Variants in RAPH1 observed in about 807,000 individuals in gnomAD.
RAPH1 encodes the protein Ras association (RalGDS/AF-6) and pleckstrin homology domains 1.
A neutral mutation model predicts 88.1 loss-of-function variants in RAPH1; 18 were observed. The observed-to-expected ratio is 0.20, with a 90% CI of 0.14 to 0.30. RAPH1 has a LOEUF of 0.30. RAPH1 is among the 10% of genes least tolerant of loss of function. The probability of loss-of-function intolerance (pLI) is 1.00; values close to 1 mark genes in which losing one functional copy is unlikely to be tolerated. For missense variants in RAPH1, 1,448 were observed against 1,543.2 expected, an observed-to-expected ratio of 0.94 and a Z score of 1.03; for synonymous variants, 587 against 559.0, an observed-to-expected ratio of 1.05 and a Z score of -0.71.
intron 4 of RAPH1, among the ~76,000 whole-genome samples, chr2:203,478,467 A>T (rs529231016): frequency 5.9e-5 from 9 of 151,996 alleles, no homozygotes; most frequent in African/African-American, 2.2e-4. Context: ...TTATCACTTC[A>T]TAAGGACATC....
chr2:203,529,591 C>CA (rs1477966030), intron 1 of RAPH1, among the ~76,000 whole-genome samples: 1 of 151,988 alleles, frequency 6.6e-6, no homozygotes, highest in African/African-American at 2.4e-5. Context: ...TCAAACTCCC[C>CA]ACCTCAGGCA....
At chr2:203,464,231 T>A (rs574003703) in intron 4 of RAPH1, among the ~76,000 whole-genome samples, 5 of 152,322 alleles carry the variant, frequency 3.3e-5, no homozygotes, top group South Asian at 2.1e-4. Flanking sequence ...GAAAAACTGA[T>A]ATGTGGAATC....
intron 4 of RAPH1, among the ~76,000 whole-genome samples, chr2:203,467,440 A>G (rs1015701499): frequency 2.0e-5 from 3 of 151,792 alleles, no homozygotes; most frequent in Non-Finnish European, 4.4e-5. Context: ...AAAAAAAAAA[A>G]ATACAAAAAT....
chr2:203,441,439 GGA>G (rs762117322), intron 13 of RAPH1, 26 bp from the exon 14 acceptor site: 43 of 1,505,170 alleles, frequency 2.9e-5, no homozygotes, highest in Non-Finnish European at 3.5e-5. Context: ...AAAGGGAGTG[GGA>G]GAGAGAAAAA....
chr2:203,460,346 A>G (rs920907770), intron 6 of RAPH1, among the ~76,000 whole-genome samples: 6 of 152,212 alleles, frequency 3.9e-5, no homozygotes, highest in South Asian at 2.1e-4. Flanking sequence ...GTTACATCTT[A>G]TAAGTTTCGA....
At chr2:203,529,712 T>G (rs1241613743) in intron 1 of RAPH1, among the ~76,000 whole-genome samples, 1 of 152,206 alleles carries the variant, frequency 6.6e-6, no homozygotes, top group Non-Finnish European at 1.5e-5. Flanking sequence ...ACAATAATAC[T>G]GGGCCTACTG....
Position 203,448,787 on chromosome 2 carries a change from T to A in RAPH1, c.1463A>T (p.Asp488Val). The change falls in exon 11 of 14, where the codon GAT (aspartate) becomes GTT (valine). Residue 488 changes from aspartate to valine, a missense_variant. By Grantham distance (152) the Asp-to-Val change is radical (BLOSUM62 -3). This residue lies in a region of RAPH1 where 513 missense variants were observed against 653.1 expected (regional missense o/e 0.79). Coordinates refer to ENST00000319170, the MANE Select transcript of RAPH1 (RefSeq NM_213589.3). The surrounding 1 kb of genome is among the most constrained non-coding windows in gnomAD (Gnocchi z 4.1). The part of the protein sequence containing the change: ...KSQYIKYLCC[D>V]DVRTLHQWVN... The stretch of plus-strand genomic sequence containing the variant: ...CCACTGATGCAGTGTCCTCACATCA[T>A]CACAACAAAGGTATTTGATATATTG... The A allele has an allele frequency of 6.2e-7, 1 of 1,612,242 alleles. No individual in the cohort carries two copies. Among genetic ancestry groups the A allele is most frequent in the Non-Finnish European group, 8.5e-7 (1 of 1,179,376 alleles).
At chr2:203,465,993 A>T (rs2098528140) in intron 4 of RAPH1, among the ~76,000 whole-genome samples, 1 of 152,218 alleles carries the variant, frequency 6.6e-6, no homozygotes, top group Non-Finnish European at 1.5e-5. Context: ...AAATTTTTAT[A>T]AAGCAGCTAG....
chr2:203,495,046 A>G, intron 2 of RAPH1, 188 bp downstream of exon 2: 1 of 540,474 alleles, frequency 1.9e-6, no homozygotes, highest in South Asian at 4.3e-5. Context: ...TAACATCCTT[A>G]AAATAACCAT....
intron 1 of RAPH1, among the ~76,000 whole-genome samples, chr2:203,505,731 C>G (rs1019554924): frequency 7.2e-5 from 11 of 152,272 alleles, no homozygotes; most frequent in Admixed American, 3.9e-4. Flanking sequence ...ATTCCAGATT[C>G]TCAATTTCAA....
In RAPH1 at chr2:203,440,116, G is replaced by A; in HGVS notation, c.3074C>T (p.Pro1025Leu). ...AGAAAGATTGAGTTTTCCAGGCTTG[G>A]GGGGTGCTGCAGGAGGTGGTAGGGT... The part of the protein sequence containing the change: ...KETLPPPAAP[P>L]KPGKLNLSGV... The change falls in exon 14 of 14, where the codon CCC (proline) becomes CTC (leucine). Residue 1025 changes from proline (P) to leucine (L), a missense_variant. Coordinates refer to ENST00000319170, the MANE Select transcript of RAPH1 (RefSeq NM_213589.3). 2 of 1,613,508 alleles carry A rather than the reference G, an allele frequency of 1.2e-6. No homozygotes were observed. Among genetic ancestry groups the A allele is most frequent in the South Asian group, 1.1e-5 (1 of 91,086 alleles).
intron 1 of RAPH1, among the ~76,000 whole-genome samples, chr2:203,511,433 G>A (rs1689337280): frequency 6.6e-6 from 1 of 152,144 alleles, no homozygotes; most frequent in South Asian, 2.1e-4. Context: ...TATTTTAATA[G>A]TATTTCTATA....
chr2:203,528,555 A>G (rs1690231379), intron 1 of RAPH1, among the ~76,000 whole-genome samples: 1 of 152,198 alleles, frequency 6.6e-6, no homozygotes, highest in South Asian at 2.1e-4. Context: ...ATGTTCCTAC[A>G]TGAGCTGCCT....
At chr2:203,475,626 AATTAAG>A (rs1264631029) in intron 4 of RAPH1, among the ~76,000 whole-genome samples, 1 of 151,972 alleles carries the variant, frequency 6.6e-6, no homozygotes, top group Non-Finnish European at 1.5e-5. Context: ...TCCCTACTTC[AATTAAG>A]ATTATTTCCC....
In RAPH1 at chr2:203,438,543, A is replaced by C. The variant is rs977522109; in HGVS notation, c.*894T>G. 4 of 176,806 alleles carry C rather than the reference A, an allele frequency of 2.3e-5. No homozygotes were observed. The highest frequency in any genetic ancestry group is 9.6e-5 in the African/African-American group (4 of 41,828). The allele number at this position is 176,806 out of a possible 1,614,324, so 11.0% of individuals were successfully genotyped here. A position where few individuals can be genotyped will look rare whatever the true frequency, so the allele number is the denominator to read the frequency against. ...CATTACAGAGATAACTGTGTTATCC[A>C]TCCTCTTAAAATCAATCAAAGTGAG... On this transcript the variant is annotated 3_prime_UTR_variant, in exon 14 of 14. Transcript: ENST00000319170.
chr2:203,485,271 C>T (rs1459965411), intron 4 of RAPH1, among the ~76,000 whole-genome samples: 1 of 151,936 alleles, frequency 6.6e-6, no homozygotes, highest in East Asian at 1.9e-4. Context: ...ATTAGCCAGG[C>T]GTGGTGGCAT....
In RAPH1 at chr2:203,439,915, A is replaced by G; in HGVS notation, c.3275T>C (p.Val1092Ala). ...LPLPPIEIPA[V>A]FSGNTSPKVA... is the part of the protein sequence containing the mutation. ...TTTTGGAGAGGTGTTTCCCGAGAAA[A>G]CTGCTGGAATCTCAATGGGGGGCAG... Residue 1092 changes from valine (V) to alanine (A), a missense_variant, in exon 14 of 14, where the codon GTT becomes GCT. Physicochemically the swap from Val to Ala is moderately conservative, Grantham distance 64. Around this residue, in one of 2 missense-constraint regions of RAPH1, gnomAD observed 935 missense variants for 890.1 expected, o/e 1.05. Transcript: ENST00000319170. 1 of 1,613,708 alleles carries G rather than the reference A, an allele frequency of 6.2e-7. No individual in the cohort carries two copies. Among genetic ancestry groups the G allele is most frequent in the South Asian group, 1.1e-5 (1 of 91,044 alleles).
Position 203,476,932 on chromosome 2 carries a change from CTTAT to C in RAPH1, c.732+12648_732+12651del, listed in dbSNP as rs572960769. The C allele has an allele frequency of 9.0e-4, 532 of 593,096 alleles. 2 individuals are homozygous for C. Among genetic ancestry groups the C allele is most frequent in the African/African-American group, 8.3e-3 (448 of 53,702 alleles). 36.7% of individuals were successfully genotyped at this position (593,096 alleles called of 1,614,324 possible). A position where few individuals can be genotyped will look rare whatever the true frequency, so the allele number is the denominator to read the frequency against. ...TTCAGTTGTACCATATCTAAAGTTG[CTTAT>C]TTGTTTTTGCTAATTTATTAAGTTT... is the stretch of plus-strand genomic sequence containing the variant. On this transcript the variant is annotated intron_variant, in intron 4 of 13. Transcript: ENST00000319170.
At chr2:203,459,824 CT>C (rs2098522922) in intron 7 of RAPH1, 82 bp downstream of exon 7, 1 of 1,413,254 alleles carries the variant, frequency 7.1e-7, no homozygotes, top group Non-Finnish European at 9.8e-7. Flanking sequence ...GTTTACCAGT[CT>C]TTTAACTCTA....
Sources: gnomAD v4.1 joint callset for allele counts (sites outside exome capture counted in the v4.1 genomes callset) on GRCh38, gnomAD v4.1.1 for gene constraint, gnomAD v4.1.1 regional missense constraint, Gnocchi (gnomAD v3.1) non-coding constraint, MANE v1.5 for transcripts, NCBI Gene and HGNC (gene_info 2026-07-23, HGNC 2026-07-21) for gene names.